The following GINS1 variants were observed in gnomAD, a reference collection of about 807,000 sequenced individuals.
GINS1 encodes the protein DNA replication complex GINS protein PSF1.
A neutral mutation model predicts 34.9 loss-of-function variants in GINS1; 26 were observed. The ratio of observed to expected loss-of-function variants is 0.74; its 90% CI spans 0.55 to 1.03. GINS1 has a LOEUF of 1.03. Ranked by LOEUF, GINS1 falls within the 50% of genes least tolerant of loss-of-function variation. The pLI is 0.00. For synonymous variants in GINS1, 97 were observed against 84.4 expected, an observed-to-expected ratio of 1.15 and a Z score of -0.82; for missense variants, 235 against 237.9, an observed-to-expected ratio of 0.99 and a Z score of 0.08.
Position 25,446,499 on chromosome 20 carries a change from T to A in GINS1, c.*508T>A, listed in dbSNP as rs1286010863. On this transcript the variant is annotated 3_prime_UTR_variant, in exon 7 of 7. Coordinates refer to ENST00000262460, the MANE Select transcript of GINS1 (RefSeq NM_021067.5). ...AGATCCTGTGTGTCTTGTTTTCTGG[T>A]CATGTGTATTGTACAAGCTAGAGAG... The A allele has an allele frequency of 6.5e-6, 1 of 152,874 alleles. No individual in the cohort carries two copies. Among genetic ancestry groups the A allele is most frequent in the Non-Finnish European group, 1.5e-5 (1 of 68,488 alleles). The allele number at this position is 152,874 out of a possible 1,614,324, so 9.5% of individuals were successfully genotyped here.
intron 1 of GINS1, among the ~76,000 whole-genome samples, chr20:25,412,648 C>G (rs1021947970): frequency 2.0e-5 from 3 of 152,092 alleles, no homozygotes; most frequent in African/African-American, 7.2e-5. Flanking sequence ...CTTTGTTCGT[C>G]AATTTTATTG....
At chr20:25,422,926 A>C (rs1160495261) in intron 4 of GINS1, among the ~76,000 whole-genome samples, 1 of 150,442 alleles carries the variant, frequency 6.6e-6, no homozygotes, top group Non-Finnish European at 1.5e-5. Context: ...ACAGGCATGC[A>C]CCACCACGCC....
intron 4 of GINS1, among the ~76,000 whole-genome samples, chr20:25,420,367 G>C (rs6050601): frequency 0.72 from 108,375 of 151,570 alleles, 40,403 homozygotes; most frequent in African/African-American, 0.88. Context: ...CTCCTGACCT[G>C]ATGATCTGCC....
chr20:25,428,910 T>C (rs530972806), intron 5 of GINS1, among the ~76,000 whole-genome samples: 4 of 151,940 alleles, frequency 2.6e-5, no homozygotes, highest in East Asian at 1.9e-4. Flanking sequence ...TTTCGATTGT[T>C]GTAGCTTTGC....
chr20:25,444,883 A>T (rs2090502498), intron 6 of GINS1, among the ~76,000 whole-genome samples: 1 of 152,224 alleles, frequency 6.6e-6, no homozygotes, highest in South Asian at 2.1e-4. Context: ...ACCTTGAGAC[A>T]TACAGGAGGA....
chr20:25,415,607 C>T (rs1205362046), intron 2 of GINS1, among the ~76,000 whole-genome samples: 2 of 151,262 alleles, frequency 1.3e-5, no homozygotes, highest in East Asian at 3.9e-4. Context: ...ATCGCTTGAA[C>T]CTGGGAGGCG....
At chr20:25,410,619 A>G (rs1305286009) in intron 1 of GINS1, among the ~76,000 whole-genome samples, 4 of 151,110 alleles carry the variant, frequency 2.6e-5, no homozygotes, top group Admixed American at 1.3e-4. Flanking sequence ...CTGGAGTGCA[A>G]TGGTGTGATC....
At chr20:25,443,098 G>A (rs2090491783) in intron 6 of GINS1, 1 of 152,094 alleles carries the variant, frequency 6.6e-6, no homozygotes, top group Non-Finnish European at 1.5e-5. Flanking sequence ...TGGTTCTTGA[G>A]CTTATTTTCC....
intron 5 of GINS1, among the ~76,000 whole-genome samples, chr20:25,438,182 C>T (rs2090464096): frequency 6.6e-6 from 1 of 151,120 alleles, no homozygotes; most frequent in Non-Finnish European, 1.5e-5. Flanking sequence ...AAACAATGAC[C>T]AAGCCAATTA....
chr20:25,408,970 G>T (rs944184587), intron 1 of GINS1: 1 of 983,976 alleles, frequency 1.0e-6, no homozygotes, highest in Non-Finnish European at 1.2e-6. Context: ...TACTAAGGAG[G>T]TATAGCAAGG....
At chr20:25,416,470 G>A (rs1314874953) in intron 2 of GINS1, among the ~76,000 whole-genome samples, 1 of 152,110 alleles carries the variant, frequency 6.6e-6, no homozygotes, top group Non-Finnish European at 1.5e-5. Context: ...CTACATGAAT[G>A]AATTCTTTTT....
chr20:25,438,728 C>T (rs66673357), intron 5 of GINS1, among the ~76,000 whole-genome samples: 15,413 of 151,850 alleles, frequency 0.1, 1,376 homozygotes, highest in African/African-American at 0.25. Context: ...TGCTCACAAC[C>T]ACACCCAGCT....
intron 5 of GINS1, among the ~76,000 whole-genome samples, chr20:25,441,412 A>G (rs937591681): frequency 6.6e-6 from 1 of 152,098 alleles, no homozygotes; most frequent in Non-Finnish European, 1.5e-5. Flanking sequence ...TCACCTGCTT[A>G]ATTTTTCAGG....
chr20:25,425,050 C>A (rs1257914847), intron 4 of GINS1, among the ~76,000 whole-genome samples, 161 bp from the exon 5 acceptor site: 2 of 152,108 alleles, frequency 1.3e-5, no homozygotes, highest in Non-Finnish European at 2.9e-5. Context: ...AGTACCCAGA[C>A]CAATGCCTAT....
chr20:25,441,758 AT>A lies in GINS1; in HGVS notation c.506del (p.Leu169Ter). On this transcript the variant is annotated frameshift_variant, in exon 6 of 7. Coordinates refer to ENST00000262460, the MANE Select transcript of GINS1 (RefSeq NM_021067.5). LOFTEE classifies it high-confidence loss of function. ...FEVDDGTSVL[L>X]KKNSQHFLPR... ...AAGTTGATGATGGCACTTCAGTCCT[AT>A]TAAAAAAAAATAGCCAGGTATTTCT... is the stretch of plus-strand genomic sequence containing the variant. 1 of 1,545,630 alleles carries A rather than the reference AT, an allele frequency of 6.5e-7. No individual in the cohort carries two copies. Among genetic ancestry groups the A allele is most frequent in the Non-Finnish European group, 8.9e-7 (1 of 1,125,202 alleles).
intron 5 of GINS1, among the ~76,000 whole-genome samples, chr20:25,439,486 A>T (rs2146221368): frequency 6.6e-6 from 1 of 152,218 alleles, no homozygotes; most frequent in South Asian, 2.1e-4. Context: ...TGCAGTGACA[A>T]ACTACTCACC....
chr20:25,435,113 A>C (rs1466219463), intron 5 of GINS1, among the ~76,000 whole-genome samples: 1 of 152,114 alleles, frequency 6.6e-6, no homozygotes, highest in Non-Finnish European at 1.5e-5. Context: ...ATTTCTTCAC[A>C]TGGGTTCAAG....
intron 5 of GINS1, among the ~76,000 whole-genome samples, chr20:25,438,119 C>CAA (rs34107871): frequency 0.41 from 40,038 of 97,830 alleles, 7,736 homozygotes; most frequent in East Asian, 0.88. Context: ...AACTCCGTCT[C>CAA]AAAAAAAAAA....
At chr20:25,442,338 A>ATCTG (rs56170743) in intron 6 of GINS1, among the ~76,000 whole-genome samples, 1,693 of 149,412 alleles carry the variant, frequency 0.011, 10 homozygotes, top group African/African-American at 0.021. Context: ...CTATCTATCT[A>ATCTG]TCTGTCTGTC....
Sources: allele counts gnomAD v4.1 joint callset (sites outside exome capture counted in the v4.1 genomes callset), GRCh38; gene constraint gnomAD v4.1.1; transcripts MANE v1.5; gene names NCBI Gene and HGNC (gene_info 2026-07-23, HGNC 2026-07-21).